The following CYTH3 variants were observed in gnomAD, a reference collection of about 807,000 sequenced individuals.
CYTH3 encodes the protein cytohesin-3.
A neutral mutation model predicts 55.1 loss-of-function variants in CYTH3; 23 were observed. That is an observed-to-expected ratio of 0.42 (90% CI 0.30 to 0.59). The LOEUF (loss-of-function observed/expected upper bound fraction) is 0.59. Ranked by LOEUF, CYTH3 falls within the 20% of genes least tolerant of loss-of-function variation. CYTH3 has a pLI of 0.20. For missense variants in CYTH3, 413 were observed against 524.8 expected, an observed-to-expected ratio of 0.79 and a Z score of 2.08; for synonymous variants, 249 against 194.9, an observed-to-expected ratio of 1.28 and a Z score of -2.31.
intron 9 of CYTH3, 72 bp from the exon 10 acceptor site, chr7:6,165,882 G>T: frequency 7.0e-7 from 1 of 1,428,238 alleles, no homozygotes; most frequent in Non-Finnish European, 9.8e-7. Flanking sequence ...GGGGGCCCTG[G>T]ACCTGCACAG....
At chr7:6,172,083 C>T (rs1176117525) in intron 6 of CYTH3, 1 of 152,716 alleles carries the variant, frequency 6.5e-6, no homozygotes, top group Non-Finnish European at 1.5e-5. Flanking sequence ...AGCTATTCAG[C>T]AACGTCTGAT....
intron 1 of CYTH3, among the ~76,000 whole-genome samples, chr7:6,192,384 A>ATT (rs545088304): frequency 1.4e-5 from 2 of 145,324 alleles, no homozygotes; most frequent in African/African-American, 2.5e-5. Flanking sequence ...TGTCTGGCTA[A>ATT]TTTTTTTTTT....
intron 1 of CYTH3, among the ~76,000 whole-genome samples, chr7:6,221,548 C>T (rs1252361325): frequency 2.0e-5 from 3 of 152,142 alleles, no homozygotes; most frequent in Non-Finnish European, 1.5e-5. Context: ...ACTATACAAA[C>T]ACCTCATACC....
chr7:6,162,169 T>C lies in CYTH3; in HGVS notation c.*2775A>G, dbSNP rs1396388573. 2.0e-5 allele frequency: 3 copies of C among 152,578 alleles called. No homozygotes were observed. The East Asian group carries it at 5.8e-4, about 29-fold the overall frequency. 9.5% of individuals were successfully genotyped at this position (152,578 alleles called of 1,614,324 possible). ...TAAATAGCTCCTATTTTCAGTTTGG[T>C]ACCACATTAAACTGCCCCAAAATGT... On this transcript the variant is annotated 3_prime_UTR_variant, in exon 13 of 13. Transcript: ENST00000350796.
At chr7:6,222,343 C>T (rs563002341) in intron 1 of CYTH3, among the ~76,000 whole-genome samples, 1 of 152,310 alleles carries the variant, frequency 6.6e-6, no homozygotes, top group South Asian at 2.1e-4. Context: ...GCAAGTGCCT[C>T]GTGTTCCCCC....
intron 1 of CYTH3, among the ~76,000 whole-genome samples, chr7:6,197,394 G>C (rs1406580111): frequency 3.3e-5 from 5 of 152,130 alleles, no homozygotes; most frequent in South Asian, 2.1e-4. Context: ...AGCAAAAAAA[G>C]AATTGAGGCT....
chr7:6,235,163 C>T (rs966991978), intron 1 of CYTH3, among the ~76,000 whole-genome samples: 1 of 152,176 alleles, frequency 6.6e-6, no homozygotes, highest in African/African-American at 2.4e-5. Flanking sequence ...CCAGCACCTG[C>T]CCTGATCCAC....
At chr7:6,195,734 A>C (rs1242231977) in intron 1 of CYTH3, among the ~76,000 whole-genome samples, 1 of 152,214 alleles carries the variant, frequency 6.6e-6, no homozygotes, top group African/African-American at 2.4e-5. Context: ...TAAACCCCCC[A>C]AATAACTAAG....
At position 6,272,475 on chromosome 7, in the gene CYTH3, G is replaced by A. The variant is rs765594361; in HGVS notation, c.33C>T (p.Gly11=). ...GCCCACCACACCTCCGACACTCACC[G>A]CCACCACCCTCGCCGCCGCCGTCTT... MDEDGGGEGG[G]VPEDLSLEER... is the part of the protein sequence containing the mutation. Residue 11 remains glycine, a splice_region_variant and synonymous_variant, in exon 1 of 13, where the codon GGC becomes GGT. Coordinates refer to ENST00000350796, the MANE Select transcript of CYTH3 (RefSeq NM_004227.4). The A allele has an allele frequency of 1.2e-4, 154 of 1,334,114 alleles. No individual in the cohort carries two copies. In the African/African-American group the frequency reaches 2.1e-3, roughly 18 times the overall value. The allele number at this position is 1,334,114 out of a possible 1,614,324, so 82.6% of individuals were successfully genotyped here. A position where few individuals can be genotyped will look rare whatever the true frequency, so the allele number is the denominator to read the frequency against.
chr7:6,259,932 G>C (rs1780307719), intron 1 of CYTH3, among the ~76,000 whole-genome samples: 2 of 142,908 alleles, frequency 1.4e-5, no homozygotes, highest in Admixed American at 7.1e-5. Context: ...CCAGGTTCAA[G>C]TGATTCTCCT....
In CYTH3 at chr7:6,163,708, A is replaced by T. The variant is rs1782906578; in HGVS notation, c.*1236T>A. 6.6e-6 allele frequency: 1 copy of T among 152,200 alleles called. No homozygotes were observed. Among genetic ancestry groups the T allele is most frequent in the African/African-American group, 2.4e-5 (1 of 41,430 alleles). 9.4% of individuals were successfully genotyped at this position (152,200 alleles called of 1,614,324 possible). The stretch of plus-strand genomic sequence containing the variant: ...TCTACGTGCCGGGCCTCTGCACCCC[A>T]GGGCCTGTTCTTCCCTCCTCGTAGG... On this transcript the variant is annotated 3_prime_UTR_variant, in exon 13 of 13. Coordinates refer to ENST00000350796, the MANE Select transcript of CYTH3 (RefSeq NM_004227.4).
At chr7:6,217,085 C>G (rs1011105749) in intron 1 of CYTH3, among the ~76,000 whole-genome samples, 46 of 151,984 alleles carry the variant, frequency 3.0e-4, no homozygotes, top group African/African-American at 1.1e-3. Context: ...GCTAATTTTT[C>G]TATTTTTAGT....
intron 1 of CYTH3, among the ~76,000 whole-genome samples, chr7:6,234,595 C>T (rs908562743): frequency 1.3e-5 from 2 of 152,206 alleles, no homozygotes; most frequent in African/African-American, 2.4e-5. Flanking sequence ...GGTCTCGGGA[C>T]ATCCCACACC....
chr7:6,194,802 G>A (rs1340542839), intron 1 of CYTH3, among the ~76,000 whole-genome samples: 4 of 150,754 alleles, frequency 2.7e-5, no homozygotes, highest in East Asian at 1.9e-4. Flanking sequence ...TGGTGAAACC[G>A]CATCTCTACT....
chr7:6,257,101 C>T (rs1265564225), intron 1 of CYTH3, among the ~76,000 whole-genome samples: 7 of 152,092 alleles, frequency 4.6e-5, no homozygotes, highest in Non-Finnish European at 1.0e-4. Context: ...ACTTATCCAA[C>T]GTGAAGATTT....
chr7:6,262,533 G>C (rs1004675483), intron 1 of CYTH3, among the ~76,000 whole-genome samples: 10 of 152,286 alleles, frequency 6.6e-5, no homozygotes, highest in Middle Eastern at 3.4e-3. Flanking sequence ...CTTCTCCACA[G>C]AATCAGTGGA....
intron 1 of CYTH3, among the ~76,000 whole-genome samples, chr7:6,236,349 G>A (rs971789479): frequency 6.9e-5 from 10 of 144,704 alleles, no homozygotes; most frequent in East Asian, 2.0e-4. Context: ...GACTACAGGC[G>A]CACACTACGC....
chr7:6,208,174 C>T (rs531259755), intron 1 of CYTH3, among the ~76,000 whole-genome samples: 97 of 152,184 alleles, frequency 6.4e-4, no homozygotes, highest in Non-Finnish European at 1.2e-3. Context: ...ACTACAAAGA[C>T]GACAGATAAA....
intron 1 of CYTH3, among the ~76,000 whole-genome samples, chr7:6,243,347 C>T (rs1338333090): frequency 1.3e-5 from 2 of 152,208 alleles, no homozygotes; most frequent in East Asian, 3.8e-4. Context: ...CACCTGACCC[C>T]CAGCAGCGGT....
Sources: gnomAD v4.1 joint callset for allele counts (sites outside exome capture counted in the v4.1 genomes callset) on GRCh38, gnomAD v4.1.1 for gene constraint, MANE v1.5 for transcripts, NCBI Gene and HGNC (gene_info 2026-07-23, HGNC 2026-07-21) for gene names.